Variants in ITSN1 observed in about 807,000 individuals in gnomAD.
ITSN1 encodes intersectin 1, also known as intersectin-1.
A neutral mutation model predicts 239.8 loss-of-function variants in ITSN1; 58 were observed. The observed-to-expected ratio is 0.24, with a 90% CI of 0.20 to 0.30. ITSN1 has a LOEUF of 0.30. Ranked by LOEUF, ITSN1 falls within the 10% of genes least tolerant of loss-of-function variation. The pLI, the probability that ITSN1 is intolerant of heterozygous loss-of-function variation, is 1.00. For synonymous variants in ITSN1, 780 were observed against 770.8 expected (o/e 1.01, Z -0.20); for missense variants, 1,558 against 2,103.3 (o/e 0.74, Z 5.07).
chr21:33,745,922 A>G (rs2067152493), intron 5 of ITSN1, among the ~76,000 whole-genome samples: 1 of 152,178 alleles, frequency 6.6e-6, no homozygotes, highest in Non-Finnish European at 1.5e-5. Context: ...GCCCTGTGAA[A>G]TGTTAAAGTT....
chr21:33,816,600 T>A (rs1283863177), intron 22 of ITSN1, among the ~76,000 whole-genome samples: 4 of 151,944 alleles, frequency 2.6e-5, no homozygotes, highest in Non-Finnish European at 5.9e-5. Context: ...TGTGAAAAGG[T>A]TGACAAAGCA....
chr21:33,820,861 GAA>G (rs1311433248), intron 24 of ITSN1, among the ~76,000 whole-genome samples: 1 of 150,706 alleles, frequency 6.6e-6, no homozygotes, highest in Non-Finnish European at 1.5e-5. Context: ...AAAAGATAAA[GAA>G]AAAAACTTTG....
intron 6 of ITSN1, among the ~76,000 whole-genome samples, chr21:33,751,436 T>C (rs2067548086): frequency 6.6e-6 from 1 of 152,236 alleles, no homozygotes; most frequent in African/African-American, 2.4e-5. Context: ...TCTTGGCTCT[T>C]ACATCTGGAA....
At chr21:33,852,397 G>A (rs984332636) in intron 29 of ITSN1, among the ~76,000 whole-genome samples, 4 of 152,166 alleles carry the variant, frequency 2.6e-5, no homozygotes, top group African/African-American at 9.7e-5. Flanking sequence ...TTTTTACCCT[G>A]AATGCTCTGT....
chr21:33,829,676 T>G lies in ITSN1; in HGVS notation c.3282T>G (p.Thr1094=), dbSNP rs745381228. Residue 1094 remains threonine, a synonymous_variant, in exon 27 of 40, where the codon ACT becomes ACG. Coordinates refer to ENST00000381318, the MANE Select transcript of ITSN1 (RefSeq NM_003024.3). ...SYTATGPEQL[T]LAPGQLILIR... is the part of the protein sequence containing the mutation. ...CCGCCACCGGCCCCGAGCAGCTCACTCTCGCCCCTGGTCAGCTGATTTTGA... is the reference window on the plus strand; with the variant it reads ...CCGCCACCGGCCCCGAGCAGCTCACGCTCGCCCCTGGTCAGCTGATTTTGA... 5 of 1,612,690 alleles carry G rather than the reference T, an allele frequency of 3.1e-6. No homozygotes were observed. The highest frequency in any genetic ancestry group is 4.2e-6 in the Non-Finnish European group (5 of 1,179,892).
At chr21:33,668,352 G>A (rs2090055003) in intron 1 of ITSN1, among the ~76,000 whole-genome samples, 1 of 152,204 alleles carries the variant, frequency 6.6e-6, no homozygotes, top group Admixed American at 6.5e-5. Context: ...GCCCCCCCAA[G>A]GCATGTCATC....
chr21:33,877,059 C>CTTTTTTTTTTTTTTTTTTTTT lies in ITSN1; in HGVS notation c.4341+1550_4341+1551insTTTTTTTTTTTTTTTTTTTTT, dbSNP rs10529259. Among the ~76,000 whole-genome samples the CTTTTTTTTTTTTTTTTTTTTT allele has an allele frequency of 6.9e-3, 731 of 106,318 alleles. 203 individuals carry two copies. The highest frequency in any genetic ancestry group is 0.011 in the East Asian group (35 of 3,184). 69.7% of individuals were successfully genotyped at this position (106,318 alleles called of 152,430 possible). A position where few individuals can be genotyped will look rare whatever the true frequency, so the allele number is the denominator to read the frequency against. On this transcript the variant is annotated intron_variant, in intron 34 of 39. Coordinates refer to ENST00000381318, the MANE Select transcript of ITSN1 (RefSeq NM_003024.3). Reference sequence around the variant, plus strand: ...TCCTTAGAACTTTACCTGTGGGCACCTTTTTTTTTTTTGAAATGGAGTCTC... The same window carrying CTTTTTTTTTTTTTTTTTTTTT: ...TCCTTAGAACTTTACCTGTGGGCACCTTTTTTTTTTTTTTTTTTTTTTTTTTTTTTTTTGAAATGGAGTCTC...
chr21:33,784,485 A>T (rs2070482408), intron 16 of ITSN1, among the ~76,000 whole-genome samples: 1 of 152,232 alleles, frequency 6.6e-6, no homozygotes, highest in Non-Finnish European at 1.5e-5. Context: ...CCTGGGCAAC[A>T]GAGTGAGACC....
chr21:33,656,124 G>C (rs893525119), intron 1 of ITSN1, among the ~76,000 whole-genome samples: 10 of 152,122 alleles, frequency 6.6e-5, no homozygotes, highest in Admixed American at 6.5e-5. Flanking sequence ...GATTGGCCTG[G>C]CATGATCGTG....
intron 29 of ITSN1, chr21:33,838,192 A>C (rs951103761): frequency 1.0e-6 from 1 of 985,222 alleles, no homozygotes; most frequent in African/African-American, 1.7e-5. Flanking sequence ...TGCTCACAGC[A>C]CAGAAAATGG....
chr21:33,729,231 A>T (rs1044980086), intron 4 of ITSN1, among the ~76,000 whole-genome samples: 1 of 152,160 alleles, frequency 6.6e-6, no homozygotes, highest in Middle Eastern at 3.2e-3. Flanking sequence ...CAGGAGGATC[A>T]CTTGAGCCCA....
intron 33 of ITSN1, among the ~76,000 whole-genome samples, chr21:33,871,748 A>G (rs552268338): frequency 6.6e-6 from 1 of 152,198 alleles, no homozygotes; most frequent in East Asian, 1.9e-4. Flanking sequence ...TCAAAAAAAA[A>G]AAAAGAAAAG....
Position 33,876,167 on chromosome 21 carries a change from T to C in ITSN1, c.4341+646T>C, listed in dbSNP as rs1286562854. On this transcript the variant is annotated intron_variant, in intron 34 of 39. Coordinates refer to ENST00000381318, the MANE Select transcript of ITSN1 (RefSeq NM_003024.3). ...TTTCTTTCTTTCTCTCTCTCCCTCT[T>C]TCTTTCTTTCCTTCCTTCCTTCTCT... Among the ~76,000 whole-genome samples the C allele has an allele frequency of 7.7e-5, 11 of 142,604 alleles. No individual in the cohort carries two copies. The South Asian group carries it at 9.2e-4, about 12-fold the overall frequency. 93.6% of individuals were successfully genotyped at this position (142,604 alleles called of 152,430 possible). A position where few individuals can be genotyped will look rare whatever the true frequency, so the allele number is the denominator to read the frequency against.
chr21:33,659,516 T>C (rs2146241558), intron 1 of ITSN1, among the ~76,000 whole-genome samples: 1 of 152,194 alleles, frequency 6.6e-6, no homozygotes, highest in South Asian at 2.1e-4. Flanking sequence ...AGTGTCAGAA[T>C]TGAAATGAAT....
intron 1 of ITSN1, among the ~76,000 whole-genome samples, chr21:33,717,624 C>T (rs904911709): frequency 2.6e-5 from 4 of 152,016 alleles, no homozygotes; most frequent in Admixed American, 6.6e-5. Context: ...GGTGCAATCT[C>T]GGCTCACTGC....
chr21:33,764,225 G>C (rs760471219), intron 9 of ITSN1, among the ~76,000 whole-genome samples: 2 of 151,978 alleles, frequency 1.3e-5, no homozygotes, highest in South Asian at 2.1e-4. Flanking sequence ...AACGCTTGAG[G>C]CTTCTTCTGT....
intron 16 of ITSN1, among the ~76,000 whole-genome samples, chr21:33,784,192 G>A (rs576968112): frequency 1.2e-4 from 18 of 152,178 alleles, no homozygotes; most frequent in Admixed American, 1.0e-3. Context: ...TCACAGGTCA[G>A]GTCGGGTGTG....
intron 4 of ITSN1, among the ~76,000 whole-genome samples, chr21:33,727,482 A>G (rs1180577823): frequency 6.6e-6 from 1 of 151,754 alleles, no homozygotes; most frequent in African/African-American, 2.4e-5. Context: ...CAACTTTGTG[A>G]TCTGGTTCAG....
intron 5 of ITSN1, among the ~76,000 whole-genome samples, chr21:33,749,663 A>G (rs376624129): frequency 3.3e-5 from 5 of 151,914 alleles, no homozygotes; most frequent in African/African-American, 9.7e-5. Context: ...GAAAAGAAAA[A>G]AGAAAAGAAA....
Sources: gnomAD v4.1 joint callset for allele counts (sites outside exome capture counted in the v4.1 genomes callset) on GRCh38, gnomAD v4.1.1 for gene constraint, MANE v1.5 for transcripts, NCBI Gene and HGNC (gene_info 2026-07-23, HGNC 2026-07-21) for gene names.